Variants in PPFIA2 observed in about 807,000 individuals in gnomAD.
The protein encoded by PPFIA2 is liprin-alpha-2.
In PPFIA2, 46 loss-of-function variants were observed where a neutral mutation model predicts 175.5. The ratio of observed to expected loss-of-function variants is 0.26; its 90% CI spans 0.21 to 0.34. The LOEUF (loss-of-function observed/expected upper bound fraction) is 0.34. Among genes scored for constraint, PPFIA2 ranks in the 10% least tolerant of loss-of-function variants. PPFIA2 has a pLI of 1.00. For synonymous variants in PPFIA2, 568 were observed against 511.4 expected, an observed-to-expected ratio of 1.11 and a Z score of -1.49; for missense variants, 1,179 against 1,506.1, an observed-to-expected ratio of 0.78 and a Z score of 3.60.
chr12:81,751,896 T>C (rs2083869277), intron 3 of PPFIA2, among the ~76,000 whole-genome samples: 1 of 152,184 alleles, frequency 6.6e-6, no homozygotes, highest in African/African-American at 2.4e-5. Context: ...TTTTACAACA[T>C]TTTTAAGTAA....
intron 4 of PPFIA2, among the ~76,000 whole-genome samples, chr12:81,529,559 AAGAGAG>A (rs60373881): frequency 8.2e-5 from 12 of 145,780 alleles, no homozygotes; most frequent in East Asian, 2.1e-4. Flanking sequence ...GGGCAGTGGA[AAGAGAG>A]AGAGAGAGAG....
At chr12:81,273,383 T>C (rs1188574447) in intron 28 of PPFIA2, among the ~76,000 whole-genome samples, 1 of 152,168 alleles carries the variant, frequency 6.6e-6, no homozygotes, top group Non-Finnish European at 1.5e-5. Flanking sequence ...AGAATGACAG[T>C]TTTACTATTT....
chr12:81,273,613 A>G (rs893832909), intron 28 of PPFIA2, among the ~76,000 whole-genome samples: 2 of 152,180 alleles, frequency 1.3e-5, no homozygotes, highest in Non-Finnish European at 2.9e-5. Context: ...GCCAATCCAC[A>G]GTACTAGCAA....
At chr12:81,550,193 A>T (rs1449877528) in intron 4 of PPFIA2, among the ~76,000 whole-genome samples, 6 of 151,970 alleles carry the variant, frequency 3.9e-5, no homozygotes, top group Non-Finnish European at 1.5e-5. Flanking sequence ...AGAAGGTTAC[A>T]GACAATGCAC....
At position 81,755,592 on chromosome 12, in the gene PPFIA2, C is replaced by T. The variant is rs575507055; in HGVS notation, c.-2-1369G>A. On this transcript the variant is annotated intron_variant, in intron 2 of 32. Coordinates refer to ENST00000549396, the MANE Select transcript of PPFIA2 (RefSeq NM_003625.5). Reference sequence around the variant, plus strand: ...TCATATAAATTGGGTTATTGAGGAGCGAAATTCAATTATCTGTGAATGATC... The same window carrying T: ...TCATATAAATTGGGTTATTGAGGAGTGAAATTCAATTATCTGTGAATGATC... 3.9e-5 allele frequency among the ~76,000 whole-genome samples: 6 copies of T among 151,914 alleles called. No homozygotes were observed. The South Asian group carries it at 8.3e-4, about 21-fold the overall frequency.
At chr12:81,267,198 CTTTT>C (rs71309549) in intron 29 of PPFIA2, 178 bp from the exon 30 acceptor site, 31 of 484,506 alleles carry the variant, frequency 6.4e-5, no homozygotes, top group East Asian at 1.2e-4. Flanking sequence ...AAAAACAGGG[CTTTT>C]TTTTTTTTTT....
intron 4 of PPFIA2, among the ~76,000 whole-genome samples, chr12:81,482,640 G>T (rs1378141983): frequency 6.6e-6 from 1 of 152,132 alleles, no homozygotes; most frequent in African/African-American, 2.4e-5. Flanking sequence ...CACAGGAACA[G>T]AAAACCAAAC....
chr12:81,297,342 C>A (rs1420826441), intron 23 of PPFIA2, among the ~76,000 whole-genome samples: 1 of 151,956 alleles, frequency 6.6e-6, no homozygotes, highest in Non-Finnish European at 1.5e-5. Flanking sequence ...CAATAGCTAA[C>A]CAGTATAAAC....
At position 81,441,859 on chromosome 12, in the gene PPFIA2, A is replaced by G. The variant is rs116670197; in HGVS notation, c.571-1813T>C. ...ATGAAGCAATCTAAATATGTTAATAATCTCTCCATACACAACGCTGATCAT... is the reference window on the plus strand; with the variant it reads ...ATGAAGCAATCTAAATATGTTAATAGTCTCTCCATACACAACGCTGATCAT... On this transcript the variant is annotated intron_variant, in intron 6 of 32. Transcript: ENST00000549396. Among the ~76,000 whole-genome samples the G allele has an allele frequency of 3.9e-3, 600 of 152,188 alleles. 3 individuals carry two copies. The highest frequency in any genetic ancestry group is 0.013 in the African/African-American group (557 of 41,550).
chr12:81,723,984 C>T (rs1233623219), intron 3 of PPFIA2, among the ~76,000 whole-genome samples: 1 of 150,802 alleles, frequency 6.6e-6, no homozygotes, highest in African/African-American at 2.4e-5. Context: ...AATATTATTA[C>T]TTCACTCATT....
At chr12:81,370,056 T>C (rs1056896703) in intron 11 of PPFIA2, among the ~76,000 whole-genome samples, 1 of 151,832 alleles carries the variant, frequency 6.6e-6, no homozygotes, top group African/African-American at 2.4e-5. Context: ...CCAGAATATG[T>C]CTCTGATAGA....
chr12:81,705,530 T>C (rs1004271405), intron 3 of PPFIA2, among the ~76,000 whole-genome samples: 2 of 150,338 alleles, frequency 1.3e-5, no homozygotes, highest in Non-Finnish European at 3.0e-5. Flanking sequence ...CATAGTCCAG[T>C]TGGAGGGAGA....
At chr12:81,577,115 A>G (rs1346845086) in intron 4 of PPFIA2, among the ~76,000 whole-genome samples, 1 of 151,884 alleles carries the variant, frequency 6.6e-6, no homozygotes, top group African/African-American at 2.4e-5. Flanking sequence ...ATAGGAATTC[A>G]AATTCTTTCA....
intron 4 of PPFIA2, among the ~76,000 whole-genome samples, chr12:81,676,142 C>G (rs1380313767): frequency 6.6e-6 from 1 of 151,986 alleles, no homozygotes; most frequent in African/African-American, 2.4e-5. Context: ...TATGCATTGA[C>G]TATTTGTTGA....
chr12:81,469,150 A>AT (rs1432717848), intron 4 of PPFIA2, among the ~76,000 whole-genome samples: 5 of 152,320 alleles, frequency 3.3e-5, no homozygotes, highest in Non-Finnish European at 5.9e-5. Flanking sequence ...TAATTACTCA[A>AT]TTTTTTATGT....
At chr12:81,658,919 T>C (rs749158554) in intron 4 of PPFIA2, among the ~76,000 whole-genome samples, 4 of 152,300 alleles carry the variant, frequency 2.6e-5, no homozygotes, top group Non-Finnish European at 5.9e-5. Flanking sequence ...TGAAGTAAAA[T>C]AATTTATATT....
intron 4 of PPFIA2, among the ~76,000 whole-genome samples, chr12:81,467,573 A>G (rs2055908828): frequency 6.6e-6 from 1 of 152,148 alleles, no homozygotes; most frequent in Non-Finnish European, 1.5e-5. Context: ...ATGGAATTAG[A>G]ACATGTTACA....
At chr12:81,387,528 G>A (rs1311226553) in intron 8 of PPFIA2, among the ~76,000 whole-genome samples, 1 of 152,104 alleles carries the variant, frequency 6.6e-6, no homozygotes, top group Non-Finnish European at 1.5e-5. Context: ...AGAGTGTGGA[G>A]AAATAGCTGA....
chr12:81,685,205 C>T (rs1437740470), intron 3 of PPFIA2, among the ~76,000 whole-genome samples: 2 of 152,094 alleles, frequency 1.3e-5, no homozygotes, highest in Middle Eastern at 3.4e-3. Flanking sequence ...CTTTCATCAC[C>T]GAATACCAGC....
Sources: allele counts gnomAD v4.1 joint callset (sites outside exome capture counted in the v4.1 genomes callset), GRCh38; gene constraint gnomAD v4.1.1; transcripts MANE v1.5; gene names NCBI Gene and HGNC (gene_info 2026-07-23, HGNC 2026-07-21).